The following GPC6 variants were observed in gnomAD, a reference collection of about 807,000 sequenced individuals.
The protein encoded by GPC6 is glypican-6.
In GPC6, 14 loss-of-function variants were observed where a neutral mutation model predicts 55.2. That is an observed-to-expected ratio of 0.25 (90% CI 0.17 to 0.40). The LOEUF (loss-of-function observed/expected upper bound fraction) is 0.40. Ranked by LOEUF, GPC6 falls within the 10% of genes least tolerant of loss-of-function variation. GPC6 has a pLI of 1.00. For synonymous variants in GPC6, 278 were observed against 259.6 expected, an observed-to-expected ratio of 1.07 and a Z score of -0.68; for missense variants, 641 against 708.5, an observed-to-expected ratio of 0.90 and a Z score of 1.08.
intron 1 of GPC6, among the ~76,000 whole-genome samples, chr13:93,253,827 G>C (rs1876865712): frequency 6.6e-6 from 1 of 151,902 alleles, no homozygotes; most frequent in Non-Finnish European, 1.5e-5. Context: ...CTTAGGAAAT[G>C]GTATATAACT....
chr13:94,294,437 T>TAAA (rs397944823), intron 5 of GPC6, among the ~76,000 whole-genome samples: 2,688 of 116,656 alleles, frequency 0.023, 85 homozygotes, highest in African/African-American at 0.076. Flanking sequence ...AAATGAAGAT[T>TAAA]AAAAAAAAAA....
At chr13:93,432,603 A>G (rs1407689200) in intron 1 of GPC6, among the ~76,000 whole-genome samples, 2 of 152,182 alleles carry the variant, frequency 1.3e-5, no homozygotes, top group African/African-American at 4.8e-5. Context: ...TTAAACCACA[A>G]TGGCGTTACT....
chr13:93,750,976 CAA>C (rs1406797468), intron 2 of GPC6, among the ~76,000 whole-genome samples: 1 of 152,072 alleles, frequency 6.6e-6, no homozygotes, highest in Non-Finnish European at 1.5e-5. Flanking sequence ...CCTCTGGAGA[CAA>C]AACCAGTGTG....
intron 3 of GPC6, among the ~76,000 whole-genome samples, chr13:93,895,236 A>ATATG (rs1566591000): frequency 6.2e-5 from 2 of 32,014 alleles, no homozygotes; most frequent in Non-Finnish European, 1.3e-4. Context: ...GTGTGTGTGT[A>ATATG]TATATATATA....
intron 4 of GPC6, among the ~76,000 whole-genome samples, chr13:94,063,895 T>A (rs888381963): frequency 2.0e-5 from 3 of 152,278 alleles, no homozygotes; most frequent in African/African-American, 7.2e-5. Flanking sequence ...CCGCCACCAG[T>A]TTTTTTGGAG....
rs1423634463 is a variant in GPC6, at chr13:93,492,809, T to C, written c.161-52454T>C. Among the ~76,000 whole-genome samples the C allele has an allele frequency of 6.6e-5, 10 of 151,048 alleles. No individual in the cohort carries two copies. The South Asian group carries it at 1.7e-3, about 25-fold the overall frequency. ...TGGTTTTTGTCTTTGGCTCTGTTTA[T>C]ATGCTGGATTACATTTATTGATTGG... is the stretch of plus-strand genomic sequence containing the variant. On this transcript the variant is annotated intron_variant, in intron 1 of 8. Coordinates refer to ENST00000377047, the MANE Select transcript of GPC6 (RefSeq NM_005708.5).
chr13:93,425,070 G>A (rs1369106688), intron 1 of GPC6, among the ~76,000 whole-genome samples: 3 of 151,884 alleles, frequency 2.0e-5, no homozygotes, highest in African/African-American at 7.3e-5. Flanking sequence ...CTTACTTTGG[G>A]TGCAAGATTC....
rs888603145 is a variant in GPC6, at chr13:93,244,623, G to A, written c.160+17007G>A. ...CTTCTCCCCACTGCTCCCCAAATCA[G>A]CTCTAGCACCCGGTAGGGTTAAGGA... is the stretch of plus-strand genomic sequence containing the variant. On this transcript the variant is annotated intron_variant, in intron 1 of 8. Coordinates refer to ENST00000377047, the MANE Select transcript of GPC6 (RefSeq NM_005708.5). 9.2e-5 allele frequency among the ~76,000 whole-genome samples: 14 copies of A among 152,156 alleles called. 1 individual carries two copies. In the South Asian group the frequency reaches 2.7e-3, roughly 29 times the overall value.
At chr13:94,153,247 T>C (rs1887808373) in intron 4 of GPC6, among the ~76,000 whole-genome samples, 1 of 152,134 alleles carries the variant, frequency 6.6e-6, no homozygotes, top group African/African-American at 2.4e-5. Context: ...TCAGATTCCA[T>C]TCACCAGTTC....
At chr13:93,765,489 T>TA (rs202089014) in intron 2 of GPC6, among the ~76,000 whole-genome samples, 5 of 151,704 alleles carry the variant, frequency 3.3e-5, no homozygotes, top group Admixed American at 6.6e-5. Context: ...ATAAACTTTT[T>TA]TAAAAAAAAT....
chr13:93,795,921 G>GTA (rs1886183761), intron 2 of GPC6, among the ~76,000 whole-genome samples: 1 of 152,050 alleles, frequency 6.6e-6, no homozygotes, highest in Non-Finnish European at 1.5e-5. Flanking sequence ...TTTTTCTTAA[G>GTA]GGTTAAGGCT....
chr13:93,585,684 T>C (rs1275768095), intron 2 of GPC6, among the ~76,000 whole-genome samples: 1 of 152,178 alleles, frequency 6.6e-6, no homozygotes, highest in Non-Finnish European at 1.5e-5. Flanking sequence ...TACAAGACTT[T>C]TGAGGGGGCA....
intron 1 of GPC6, among the ~76,000 whole-genome samples, chr13:93,467,701 C>T (rs1878962802): frequency 6.7e-6 from 1 of 149,666 alleles, no homozygotes; most frequent in South Asian, 2.1e-4. Flanking sequence ...CCTCCCACTT[C>T]AGCCTCCTAA....
At chr13:93,926,127 A>G (rs1440576023) in intron 3 of GPC6, among the ~76,000 whole-genome samples, 4 of 152,194 alleles carry the variant, frequency 2.6e-5, no homozygotes, top group South Asian at 4.1e-4. Flanking sequence ...CCTAGTCTCA[A>G]TAGTCACACA....
At chr13:93,364,447 A>G (rs1249672569) in intron 1 of GPC6, among the ~76,000 whole-genome samples, 1 of 151,956 alleles carries the variant, frequency 6.6e-6, no homozygotes. Context: ...ACCTTTCATG[A>G]AGGAACTGTC....
intron 2 of GPC6, among the ~76,000 whole-genome samples, chr13:93,725,456 C>T (rs1387284960): frequency 3.3e-5 from 5 of 151,944 alleles, no homozygotes; most frequent in Non-Finnish European, 7.4e-5. Flanking sequence ...CAAAAGAATG[C>T]TTCTCAGACC....
chr13:94,004,150 G>C (rs148527118), intron 3 of GPC6, among the ~76,000 whole-genome samples: 3 of 152,150 alleles, frequency 2.0e-5, no homozygotes, highest in African/African-American at 7.2e-5. Flanking sequence ...TTGTTAGATT[G>C]AACCCTGATC....
intron 1 of GPC6, among the ~76,000 whole-genome samples, chr13:93,295,557 T>G (rs1878466891): frequency 6.6e-6 from 1 of 151,986 alleles, no homozygotes; most frequent in Non-Finnish European, 1.5e-5. Flanking sequence ...CTCGGCTCAC[T>G]GCAAGCTTCG....
At chr13:93,224,190 G>T (rs1000027510), upstream of GPC6, among the ~76,000 whole-genome samples, 4 of 96,488 alleles carry the variant, frequency 4.1e-5, no homozygotes, top group South Asian at 2.1e-3. Flanking sequence ...GAGCCACCGC[G>T]CCCGGCCTTT....
Sources: allele counts gnomAD v4.1 joint callset (sites outside exome capture counted in the v4.1 genomes callset), GRCh38; gene constraint gnomAD v4.1.1; transcripts MANE v1.5; gene names NCBI Gene and HGNC (gene_info 2026-07-23, HGNC 2026-07-21).